CASK: variants seen among roughly 807,000 people sequenced by gnomAD.
CASK encodes calcium/calmodulin dependent serine protein kinase, also known as peripheral plasma membrane protein CASK.
Under a neutral mutation model 82.9 loss-of-function variants are expected in CASK, and 4 were observed. That is an observed-to-expected ratio of 0.05 (90% CI 0.02 to 0.11). CASK has a LOEUF of 0.11. Ranked by LOEUF, CASK falls within the 10% of genes least tolerant of loss-of-function variation. The pLI is 1.00. For missense variants in CASK, 358 were observed against 720.9 expected, an observed-to-expected ratio of 0.50 and a Z score of 5.76; for synonymous variants, 259 against 253.5, an observed-to-expected ratio of 1.02 and a Z score of -0.20.
chrX:41,710,078 A>ATT (rs1308938673), intron 5 of CASK, among the ~76,000 whole-genome samples: 1 of 34,467 alleles, frequency 2.9e-5, no homozygotes, highest in African/African-American at 1.1e-4. Context: ...CAGGGTATAG[A>ATT]TTTTGTGTGT....
intron 12 of CASK, among the ~76,000 whole-genome samples, chrX:41,590,755 G>A: frequency 9.1e-6 from 1 of 110,314 alleles, no homozygotes; most frequent in Middle Eastern, 4.7e-3. Context: ...TCTAAAACAG[G>A]TGGGGATTTT....
intron 14 of CASK, among the ~76,000 whole-genome samples, chrX:41,580,495 T>C (rs2065558402): frequency 9.0e-6 from 1 of 111,727 alleles, no homozygotes. Flanking sequence ...TAAGCAAACA[T>C]TTGTATTTAA....
chrX:41,733,753 A>AT (rs2068448568), intron 5 of CASK, among the ~76,000 whole-genome samples: 1 of 110,678 alleles, frequency 9.0e-6, no homozygotes, highest in Non-Finnish European at 1.9e-5. Flanking sequence ...TGTCTCAAAA[A>AT]AAATAAATAA....
rs2068044017 is a variant in CASK at position 41,715,450 on chromosome X, T to C, written c.429+23934A>G. Among the ~76,000 whole-genome samples the C allele has an allele frequency of 3.6e-5, 4 of 110,383 alleles. No individual in the cohort carries two copies. The Admixed American group carries it at 3.8e-4, about 11-fold the overall frequency. On this transcript the variant is annotated intron_variant, in intron 5 of 26. Transcript: ENST00000378163. ...CCCTGGCCGACATGGCGAAACCCCG[T>C]CTCTACTAAAAATACAAAATAATTA... is the stretch of plus-strand genomic sequence containing the variant.
intron 5 of CASK, among the ~76,000 whole-genome samples, chrX:41,685,914 G>C (rs1321051852): frequency 9.0e-6 from 1 of 111,227 alleles, no homozygotes; most frequent in African/African-American, 3.3e-5. Flanking sequence ...AGGAAGGAGA[G>C]GGGTTCCTGG....
chrX:41,639,340 C>T (rs1431241190), intron 8 of CASK, among the ~76,000 whole-genome samples: 1 of 107,667 alleles, frequency 9.3e-6, no homozygotes, highest in Non-Finnish European at 1.9e-5. Flanking sequence ...CCAAAGTGCT[C>T]GGATTACAGG....
At chrX:41,729,749 CAAAAAAAAAAAAA>C (rs1162361118) in intron 5 of CASK, 1 of 14,114 alleles carries the variant, frequency 7.1e-5, no homozygotes, top group Non-Finnish European at 1.2e-4. Flanking sequence ...GACTCTGTCT[CAAAAAAAAAAAAA>C]AAAAAAAAAA....
chrX:41,689,272 T>C lies in CASK; in HGVS notation c.430-17742A>G, dbSNP rs144040174. On this transcript the variant is annotated intron_variant, in intron 5 of 26. Coordinates refer to ENST00000378163, the MANE Select transcript of CASK (RefSeq NM_001367721.1). ...TCTGCCTTGATTTCAAATGAGACTG[T>C]CTTTTTAGTTACTTTAAGTACTTTA... Among the ~76,000 whole-genome samples the C allele has an allele frequency of 9.3e-3, 1,040 of 111,915 alleles. 15 individuals carry two copies. The highest frequency in any genetic ancestry group is 0.032 in the African/African-American group (986 of 30,832).
chrX:41,738,859 C>T (rs2068546562), intron 5 of CASK, among the ~76,000 whole-genome samples: 1 of 111,636 alleles, frequency 9.0e-6, no homozygotes, highest in Non-Finnish European at 1.9e-5. Context: ...TAACCCGATA[C>T]TGGGATGAAA....
intron 4 of CASK, among the ~76,000 whole-genome samples, chrX:41,741,582 C>CT (rs764967260): frequency 9.0e-6 from 1 of 111,728 alleles, no homozygotes; most frequent in Non-Finnish European, 1.9e-5. Context: ...ATGAATGAGG[C>CT]TTTTTTCATT....
chrX:41,749,037 C>A (rs779044167), intron 3 of CASK, among the ~76,000 whole-genome samples: 1 of 111,520 alleles, frequency 9.0e-6, no homozygotes, highest in Non-Finnish European at 1.9e-5. Flanking sequence ...GTAATCTCAG[C>A]GCTTTGGGAG....
intron 3 of CASK, among the ~76,000 whole-genome samples, chrX:41,786,607 ATC>A (rs1434379321): frequency 9.1e-6 from 1 of 110,271 alleles, no homozygotes; most frequent in African/African-American, 3.3e-5. Context: ...GCTTTATATA[ATC>A]TCTTTGGACA....
At chrX:41,631,388 T>A (rs755212359) in intron 9 of CASK, among the ~76,000 whole-genome samples, 6 of 111,295 alleles carry the variant, frequency 5.4e-5, no homozygotes, top group Non-Finnish European at 9.4e-5. Flanking sequence ...AGTCCAGGAG[T>A]TTGAGACCAG....
chrX:41,875,475 C>T (rs1470519536), intron 1 of CASK, among the ~76,000 whole-genome samples: 1 of 111,332 alleles, frequency 9.0e-6, no homozygotes, highest in East Asian at 2.8e-4. Flanking sequence ...TCAGAAACAG[C>T]ACTATGGGGC....
In CASK at chrX:41,613,851, C is replaced by T. The variant is rs1415579895; in HGVS notation, c.1034-3826G>A. 5.4e-5 allele frequency among the ~76,000 whole-genome samples: 6 copies of T among 111,280 alleles called. No individual in the cohort carries two copies. In the East Asian group the frequency reaches 1.7e-3, roughly 31 times the overall value. On this transcript the variant is annotated intron_variant, in intron 11 of 26. Coordinates refer to ENST00000378163, the MANE Select transcript of CASK (RefSeq NM_001367721.1). The stretch of plus-strand genomic sequence containing the variant: ...TACTTTCCAAGTTTTTCTACAATAG[C>T]AAAACAAAACAAAATGCTATATAAG...
At chrX:41,808,881 C>T (rs759300098) in intron 2 of CASK, among the ~76,000 whole-genome samples, 11 of 112,707 alleles carry the variant, frequency 9.8e-5, no homozygotes, top group African/African-American at 2.9e-4. Context: ...CCTGATACTG[C>T]GCTCCACCCT....
intron 1 of CASK, among the ~76,000 whole-genome samples, chrX:41,863,007 T>C (rs975410110): frequency 3.6e-5 from 4 of 111,786 alleles, no homozygotes; most frequent in East Asian, 5.6e-4. Flanking sequence ...AGAGGGCATA[T>C]AGATAGGAGT....
chrX:41,831,851 C>T (rs957526558), intron 2 of CASK, among the ~76,000 whole-genome samples: 21 of 111,081 alleles, frequency 1.9e-4, no homozygotes, highest in African/African-American at 6.2e-4. Flanking sequence ...ATCCCAGCTA[C>T]TTGGGAGGCT....
intron 8 of CASK, among the ~76,000 whole-genome samples, chrX:41,648,693 T>C (rs1471216055): frequency 8.9e-6 from 1 of 111,874 alleles, no homozygotes; most frequent in Non-Finnish European, 1.9e-5. Context: ...AGTCCCCCGA[T>C]AGATATTGGT....
Sources: allele counts gnomAD v4.1 joint callset (sites outside exome capture counted in the v4.1 genomes callset), GRCh38; gene constraint gnomAD v4.1.1; transcripts MANE v1.5; gene names NCBI Gene and HGNC (gene_info 2026-07-23, HGNC 2026-07-21).